The following KATNAL2 variants were observed in gnomAD, a reference collection of about 807,000 sequenced individuals.
The protein encoded by KATNAL2 is katanin catalytic subunit A1 like 2.
Under a neutral mutation model 76.3 loss-of-function variants are expected in KATNAL2, and 52 were observed. The observed-to-expected ratio is 0.68, with a 90% CI of 0.55 to 0.86. KATNAL2 has a LOEUF of 0.86. KATNAL2 is among the 40% of genes least tolerant of loss of function. The probability of loss-of-function intolerance (pLI) is 0.00; values close to 1 mark genes in which losing one functional copy is unlikely to be tolerated. For synonymous variants in KATNAL2, 243 were observed against 244.2 expected (o/e 1.00, Z 0.05); for missense variants, 660 against 668.9 (o/e 0.99, Z 0.15).
At chr18:47,073,980 A>T (rs2062098423) in intron 13 of KATNAL2, among the ~76,000 whole-genome samples, 1 of 152,156 alleles carries the variant, frequency 6.6e-6, no homozygotes, top group Admixed American at 6.5e-5. Context: ...AGCACCTTAA[A>T]AACATGTACG....
chr18:47,058,994 G>T (rs2061550976), intron 7 of KATNAL2, among the ~76,000 whole-genome samples: 1 of 152,050 alleles, frequency 6.6e-6, no homozygotes, highest in Admixed American at 6.6e-5. Flanking sequence ...GGTTTCAAAG[G>T]AAAGAGGACC....
chr18:46,958,441 AT>A (rs2059830207), intron 3 of KATNAL2, among the ~76,000 whole-genome samples: 1 of 152,322 alleles, frequency 6.6e-6, no homozygotes, highest in African/African-American at 2.4e-5. Context: ...TAGTAAAAAA[AT>A]ACACACATAT....
Position 47,033,686 on chromosome 18 carries a change from G to T in KATNAL2, c.52-12771G>T, listed in dbSNP as rs149963135. 38 of 1,614,080 alleles carry T rather than the reference G, an allele frequency of 2.4e-5. No individual in the cohort carries two copies. The South Asian group carries it at 2.5e-4, about 11-fold the overall frequency. Reference sequence around the variant, plus strand: ...TGGGCACACTGCTGGCGCAGCGTCGGCACCTGGAGCTGGCAGGCAGGCCTG... The same window carrying T: ...TGGGCACACTGCTGGCGCAGCGTCGTCACCTGGAGCTGGCAGGCAGGCCTG... On this transcript the variant is annotated intron_variant, in intron 3 of 17. Coordinates refer to ENST00000683218, the MANE Select transcript of KATNAL2 (RefSeq NM_001387690.1).
chr18:46,939,833 C>A (rs1276754326), intron 1 of KATNAL2, among the ~76,000 whole-genome samples: 6 of 152,172 alleles, frequency 3.9e-5, no homozygotes, highest in African/African-American at 1.4e-4. Context: ...CTTTCTGAAC[C>A]TTGTTGCTCA....
At position 47,059,650 on chromosome 18, in the gene KATNAL2, G is replaced by A. The variant is rs767841804; in HGVS notation, c.545G>A (p.Arg182Gln). ...KDSGEENAHPRRGQIIDFQGL... is the reference protein window; with the variant it reads ...KDSGEENAHPQRGQIIDFQGL... ...AGTGGAGAGGAAAATGCCCACCCAC[G>A]AAGAGTAAGTGAAACTCATGAACCT... The change falls in exon 8 of 18, where the codon CGA (arginine) becomes CAA (glutamine). Residue 182 changes from arginine (R) to glutamine (Q), a missense_variant. Transcript: ENST00000683218. 19 of 1,604,938 alleles carry A rather than the reference G, an allele frequency of 1.2e-5. No homozygotes were observed. The highest frequency in any genetic ancestry group is 5.5e-5 in the South Asian group (5 of 90,852).
At chr18:47,072,233 G>A (rs188992145) in intron 13 of KATNAL2, among the ~76,000 whole-genome samples, 1 of 151,924 alleles carries the variant, frequency 6.6e-6, no homozygotes, top group East Asian at 1.9e-4. Flanking sequence ...TGGGATTACA[G>A]GCATGAGCCA....
intron 8 of KATNAL2, among the ~76,000 whole-genome samples, chr18:47,060,901 T>C (rs2061611914): frequency 6.6e-6 from 1 of 152,236 alleles, no homozygotes; most frequent in Non-Finnish European, 1.5e-5. Context: ...CACCTTTGCC[T>C]AGCTTTTTTG....
chr18:46,961,168 C>T (rs1442453158), intron 3 of KATNAL2, among the ~76,000 whole-genome samples: 2 of 152,122 alleles, frequency 1.3e-5, no homozygotes, highest in African/African-American at 2.4e-5. Flanking sequence ...TTTTCTTTAA[C>T]TACAAGGACC....
At chr18:47,034,189 G>C (rs780709545) in intron 3 of KATNAL2, 6 of 1,613,950 alleles carry the variant, frequency 3.7e-6, no homozygotes, top group Admixed American at 1.7e-5. Flanking sequence ...GCTCACGGAC[G>C]TTCTGTCCAA....
At chr18:47,048,451 CT>C (rs1334683068) in intron 4 of KATNAL2, among the ~76,000 whole-genome samples, 1 of 152,142 alleles carries the variant, frequency 6.6e-6, no homozygotes, top group Non-Finnish European at 1.5e-5. Context: ...CTATTGCCCC[CT>C]AGAAGGAAAT....
At position 47,058,263 on chromosome 18, in the gene KATNAL2, C is replaced by T. The variant is rs1232984882; in HGVS notation, c.361C>T (p.Pro121Ser). The change falls in exon 7 of 18, where the codon CCC (proline) becomes TCC (serine). Residue 121 changes from proline to serine, a missense_variant. Transcript: ENST00000683218. The part of the protein sequence containing the change: ...RMMNDSCQNL[P>S]KINQQRPRSK... ...GATGAACGACAGTTGTCAAAATCTT[C>T]CCAAGATCAATCAGCAGAGGCCCCG... is the stretch of plus-strand genomic sequence containing the variant. 1 of 1,613,934 alleles carries T rather than the reference C, an allele frequency of 6.2e-7. No homozygotes were observed. The highest frequency in any genetic ancestry group is 1.1e-5 in the South Asian group (1 of 91,074).
At chr18:46,928,382 G>A (rs988367513) in intron 1 of KATNAL2, among the ~76,000 whole-genome samples, 7 of 152,176 alleles carry the variant, frequency 4.6e-5, no homozygotes, top group Admixed American at 2.6e-4. Context: ...TATCAGCAGC[G>A]GTGGCTGCAG....
intron 6 of KATNAL2, among the ~76,000 whole-genome samples, chr18:47,055,372 A>C (rs575097258): frequency 6.6e-6 from 1 of 152,266 alleles, no homozygotes; most frequent in Admixed American, 6.5e-5. Context: ...AATCACATGC[A>C]ACTTATTAGG....
At chr18:46,922,711 C>G (rs984829593) in intron 1 of KATNAL2, among the ~76,000 whole-genome samples, 3 of 151,696 alleles carry the variant, frequency 2.0e-5, no homozygotes, top group African/African-American at 7.3e-5. Context: ...GCAGGAGAAT[C>G]GCTTGAACCC....
chr18:46,919,021 G>T (rs1220500580), intron 1 of KATNAL2, among the ~76,000 whole-genome samples: 1 of 151,644 alleles, frequency 6.6e-6, no homozygotes, highest in African/African-American at 2.4e-5. Context: ...GTGTGTGTGT[G>T]TGTGTGTGTG....
rs112718599 is a variant in KATNAL2 at position 47,042,780 on chromosome 18, A to G, written c.52-3677A>G. ...TAATAGGTATTCATAAAAATAAACCAGAGAAAAAATAGTGAAATAATTTAC... is the reference window on the plus strand; with the variant it reads ...TAATAGGTATTCATAAAAATAAACCGGAGAAAAAATAGTGAAATAATTTAC... On this transcript the variant is annotated intron_variant, in intron 3 of 17. Coordinates refer to ENST00000683218, the MANE Select transcript of KATNAL2 (RefSeq NM_001387690.1). Among the ~76,000 whole-genome samples the G allele has an allele frequency of 3.8e-3, 576 of 152,314 alleles. 3 individuals carry two copies. Among genetic ancestry groups the G allele is most frequent in the African/African-American group, 0.013 (538 of 41,570 alleles).
Position 47,044,783 on chromosome 18 carries a change from AC to A in KATNAL2, c.52-1673del, listed in dbSNP as rs1433808007. ...TCTCAAAAAAAAAACAAAAACAAAA[AC>A]AAAAACAGTTTAAAATGGGTCCGGT... On this transcript the variant is annotated intron_variant, in intron 3 of 17. Transcript: ENST00000683218. 8.5e-3 allele frequency among the ~76,000 whole-genome samples: 1,211 copies of A among 142,790 alleles called. 21 individuals carry two copies. The highest frequency in any genetic ancestry group is 0.013 in the Non-Finnish European group (858 of 65,558). 93.7% of individuals were successfully genotyped at this position (142,790 alleles called of 152,430 possible).
intron 1 of KATNAL2, among the ~76,000 whole-genome samples, chr18:46,928,200 T>C (rs552788698): frequency 2.0e-5 from 3 of 152,276 alleles, no homozygotes; most frequent in East Asian, 1.9e-4. Context: ...CCTGTTTTTT[T>C]CCCATCTTTG....
rs548328727 is a variant in KATNAL2 at position 46,926,114 on chromosome 18, T to G, written c.-510+8188T>G. Among the ~76,000 whole-genome samples the G allele has an allele frequency of 8.5e-5, 13 of 152,342 alleles. No individual in the cohort carries two copies. In the East Asian group the frequency reaches 2.3e-3, roughly 27 times the overall value. On this transcript the variant is annotated intron_variant, in intron 1 of 17. Coordinates refer to ENST00000683218, the MANE Select transcript of KATNAL2 (RefSeq NM_001387690.1). ...TTCTGCTCTGATCTTAGTTATTTCT[T>G]GCCTTCTGCTAGCTTTTGAATGTGT...
Sources: allele counts gnomAD v4.1 joint callset (sites outside exome capture counted in the v4.1 genomes callset), GRCh38; gene constraint gnomAD v4.1.1; transcripts MANE v1.5; gene names NCBI Gene and HGNC (gene_info 2026-07-23, HGNC 2026-07-21).